Variants in WASHC4 observed in about 807,000 individuals in gnomAD.
WASHC4 encodes the protein WASH complex subunit 4.
In WASHC4, 86 loss-of-function variants were observed where a neutral mutation model predicts 166.6. The observed-to-expected ratio is 0.52, with a 90% CI of 0.43 to 0.62. WASHC4 has a LOEUF of 0.62. Ranked by LOEUF, WASHC4 falls within the 20% of genes least tolerant of loss-of-function variation. The pLI is 0.00. For missense variants in WASHC4, 1,262 were observed against 1,382.4 expected (o/e 0.91, Z 1.38); for synonymous variants, 446 against 451.6 (o/e 0.99, Z 0.16).
At position 105,143,145 on chromosome 12, in the gene WASHC4, C is replaced by A. The variant is rs765715311; in HGVS notation, c.1912C>A (p.Arg638Ser). 3 of 1,608,388 alleles carry A rather than the reference C, an allele frequency of 1.9e-6. No individual in the cohort carries two copies. Among genetic ancestry groups the A allele is most frequent in the Non-Finnish European group, 2.6e-6 (3 of 1,175,364 alleles). Residue 638 changes from arginine to serine, a missense_variant, in exon 20 of 33, where the codon CGC becomes AGC. Coordinates refer to ENST00000332180, the MANE Select transcript of WASHC4 (RefSeq NM_015275.3). ...TTCTTAGTACATGTTCAGTGCTTTG[C>A]GCGACTGTGTACCTGCTATGATGCA... ...ARLHYMFSAL[R>S]DCVPAMMHAR... is the part of the protein sequence containing the mutation.
At chr12:105,120,801 T>A (rs1358726607) in intron 8 of WASHC4, among the ~76,000 whole-genome samples, 3 of 152,152 alleles carry the variant, frequency 2.0e-5, no homozygotes, top group African/African-American at 7.2e-5. Context: ...GTAACTTAGT[T>A]TTTCCCAGTA....
chr12:105,146,618 T>G, intron 23 of WASHC4, 92 bp downstream of exon 23: 1 of 737,056 alleles, frequency 1.4e-6, no homozygotes, highest in Non-Finnish European at 2.4e-6. Flanking sequence ...GGGTGAAAAT[T>G]AAATGAAACA....
intron 13 of WASHC4, among the ~76,000 whole-genome samples, chr12:105,129,171 C>T (rs1881564491): frequency 2.0e-5 from 3 of 152,124 alleles, no homozygotes; most frequent in Admixed American, 1.3e-4. Flanking sequence ...GTCTCGAACT[C>T]CTGACCTTGT....
At position 105,144,330 on chromosome 12, in the gene WASHC4, G is replaced by A. The variant is rs878853065; in HGVS notation, c.2054G>A (p.Arg685Gln). Residue 685 changes from arginine (R) to glutamine (Q), a missense_variant, in exon 21 of 33, where the codon CGA (arginine) becomes CAA (glutamine). Coordinates refer to ENST00000332180, the MANE Select transcript of WASHC4 (RefSeq NM_015275.3). ...TGCAAAGAAATAGAGAAAGATCTGC[G>A]ACTTTCTGTGCATACTCATTTAAAG... ...KLCKEIEKDL[R>Q]LSVHTHLKLD... is the part of the protein sequence containing the mutation. 2.5e-6 allele frequency: 4 copies of A among 1,613,038 alleles called. No individual in the cohort carries two copies. The highest frequency in any genetic ancestry group is 1.1e-5 in the South Asian group (1 of 90,978).
chr12:105,132,786 T>TTGTG (rs1881965035), intron 13 of WASHC4, among the ~76,000 whole-genome samples: 1 of 82,416 alleles, frequency 1.2e-5, no homozygotes, highest in East Asian at 3.4e-4. Context: ...GTGAAAGAGG[T>TTGTG]AGTGTGTGTG....
chr12:105,164,583 G>T, intron 31 of WASHC4, 58 bp from the exon 32 acceptor site: 1 of 1,158,384 alleles, frequency 8.6e-7, no homozygotes, highest in Non-Finnish European at 1.3e-6. Context: ...ATATATTTTT[G>T]GTATTTTGCC....
intron 26 of WASHC4, among the ~76,000 whole-genome samples, chr12:105,154,292 G>A (rs1163855675): frequency 6.6e-6 from 1 of 152,192 alleles, no homozygotes; most frequent in African/African-American, 2.4e-5. Flanking sequence ...GTGTCCCAAA[G>A]TGCTGGGATT....
At chr12:105,152,315 A>G (rs755137035) in intron 25 of WASHC4, 28 bp from the exon 26 acceptor site, 13 of 1,147,094 alleles carry the variant, frequency 1.1e-5, no homozygotes, top group African/African-American at 4.6e-5. Flanking sequence ...AATCTTTATT[A>G]AAAGTAGCCT....
chr12:105,143,022 CT>C, intron 19 of WASHC4, 104 bp from the exon 20 acceptor site: 2 of 730,004 alleles, frequency 2.7e-6, no homozygotes, highest in Non-Finnish European at 4.8e-6. Flanking sequence ...ATCATTTTTC[CT>C]TCAGATCGAG....
intron 25 of WASHC4, 63 bp downstream of exon 25, chr12:105,149,812 G>A (rs375031233): frequency 2.1e-6 from 3 of 1,460,568 alleles, no homozygotes; most frequent in Admixed American, 2.1e-5. Flanking sequence ...AAATGTGTAT[G>A]CTAAAATTCA....
intron 28 of WASHC4, among the ~76,000 whole-genome samples, chr12:105,158,511 G>A (rs1047257337): frequency 6.6e-6 from 1 of 152,118 alleles, no homozygotes; most frequent in Non-Finnish European, 1.5e-5. Context: ...TTTAGAATGT[G>A]AGCATTTTAT....
chr12:105,127,036 CA>C (rs1881352614), intron 12 of WASHC4, 92 bp from the exon 13 acceptor site: 1 of 1,020,888 alleles, frequency 9.8e-7, no homozygotes, highest in Non-Finnish European at 1.5e-6. Flanking sequence ...TTCTTGAAAT[CA>C]GTTGTCTTCC....
In WASHC4 at chr12:105,167,309, C is replaced by G. The variant is rs1332992721; in HGVS notation, c.*378C>G. On this transcript the variant is annotated 3_prime_UTR_variant, in exon 33 of 33. Coordinates refer to ENST00000332180, the MANE Select transcript of WASHC4 (RefSeq NM_015275.3). ...TAGTTATTTCAAGTCATGGGAAATTCAATGCATATACTATATACAGCCAGT... is the reference window on the plus strand; with the variant it reads ...TAGTTATTTCAAGTCATGGGAAATTGAATGCATATACTATATACAGCCAGT... 4.4e-6 allele frequency: 1 copy of G among 227,744 alleles called. No individual in the cohort carries two copies. Among genetic ancestry groups the G allele is most frequent in the African/African-American group, 2.3e-5 (1 of 43,492 alleles). 14.1% of individuals were successfully genotyped at this position (227,744 alleles called of 1,614,324 possible).
chr12:105,125,987 C>G lies in WASHC4; in HGVS notation c.787-17C>G. 6.2e-7 allele frequency: 1 copy of G among 1,608,886 alleles called. No individual in the cohort carries two copies. The highest frequency in any genetic ancestry group is 1.1e-5 in the South Asian group (1 of 90,890). ...TTATTGAGAGTCTGAATTTCTCTTTCAATGTTTCCTGTCTAGGCCTGTATA... is the reference window on the plus strand; with the variant it reads ...TTATTGAGAGTCTGAATTTCTCTTTGAATGTTTCCTGTCTAGGCCTGTATA... On this transcript the variant is annotated splice_polypyrimidine_tract_variant and intron_variant, in intron 10 of 32. Transcript: ENST00000332180.
chr12:105,133,671 A>G, intron 13 of WASHC4, 99 bp from the exon 14 acceptor site: 2 of 1,019,578 alleles, frequency 2.0e-6, no homozygotes, highest in South Asian at 1.3e-5. Context: ...AACCAGAAAG[A>G]TGAAATGACT....
intron 2 of WASHC4, among the ~76,000 whole-genome samples, chr12:105,113,691 A>AT (rs773068911): frequency 2.0e-5 from 3 of 152,082 alleles, no homozygotes; most frequent in Non-Finnish European, 4.4e-5. Context: ...AATAGATCAC[A>AT]TATAGTCAAT....
chr12:105,159,110 T>C (rs928369255), intron 28 of WASHC4, among the ~76,000 whole-genome samples: 2 of 152,208 alleles, frequency 1.3e-5, no homozygotes, highest in Non-Finnish European at 2.9e-5. Flanking sequence ...TGAAAATGGT[T>C]TAAATAGTTT....
At chr12:105,148,316 A>G in intron 24 of WASHC4, 1 of 985,394 alleles carries the variant, frequency 1.0e-6, no homozygotes, top group Non-Finnish European at 1.2e-6. Context: ...TGAACTTTTG[A>G]GAGTAAACTC....
intron 4 of WASHC4, among the ~76,000 whole-genome samples, chr12:105,114,741 G>A (rs1430983101): frequency 6.6e-6 from 1 of 151,972 alleles, no homozygotes; most frequent in African/African-American, 2.4e-5. Flanking sequence ...AACCTCCAGA[G>A]TTTGTGTTAC....
Sources: gnomAD v4.1 joint callset for allele counts (sites outside exome capture counted in the v4.1 genomes callset) on GRCh38, gnomAD v4.1.1 for gene constraint, MANE v1.5 for transcripts, NCBI Gene and HGNC (gene_info 2026-07-23, HGNC 2026-07-21) for gene names.